Variants in GAS2L2 observed in about 807,000 individuals in gnomAD.
GAS2L2 encodes GAS2-like protein 2.
In GAS2L2, 21 loss-of-function variants were observed where a neutral mutation model predicts 35.2. The observed-to-expected ratio is 0.60, with a 90% CI of 0.42 to 0.86. GAS2L2 has a LOEUF of 0.86. Ranked by LOEUF, GAS2L2 falls within the 40% of genes least tolerant of loss-of-function variation. The pLI is 0.00. For synonymous variants in GAS2L2, 490 were observed against 473.2 expected (o/e 1.04, Z -0.46); for missense variants, 1,169 against 1,144.4 (o/e 1.02, Z -0.31).
rs782442398 is a variant in GAS2L2 at position 35,752,562 on chromosome 17, C to G, written c.289G>C (p.Val97Leu). The change falls in exon 1 of 6, where the codon GTC (valine) becomes CTC (leucine). Residue 97 changes from valine to leucine, a missense_variant. Coordinates refer to ENST00000604641, the MANE Select transcript of GAS2L2 (RefSeq NM_139285.4). ...GGCTGGGCGGCCCCATTGCAGGAGA[C>G]CCCGACCCGGGGCATGGGAATCTTC... ...AQKIPMPRVG[V>L]SCNGAAQPGT... 13 of 1,613,762 alleles carry G rather than the reference C, an allele frequency of 8.1e-6. No individual in the cohort carries two copies. Among genetic ancestry groups the G allele is most frequent in the Non-Finnish European group, 1.1e-5 (13 of 1,179,748 alleles).
At position 35,745,791 on chromosome 17, in the gene GAS2L2, AT is replaced by A. The variant is rs1568099917; in HGVS notation, c.1705del (p.Met569TrpfsTer44). On this transcript the variant is annotated frameshift_variant, in exon 6 of 6. Transcript: ENST00000604641. LOFTEE classifies it low-confidence loss of function (END_TRUNC). The stretch of plus-strand genomic sequence containing the variant: ...GTCCCAGGACTCTCTGGCCTCTGCC[AT>A]GACCTGGATGTCCAGCTGCTGGTCC... Reference protein sequence around the residue: ...QEDQQLDIQVMAEARESWDLG... With the variant: ...QEDQQLDIQVXAEARESWDLG... The A allele has an allele frequency of 3.1e-6, 5 of 1,613,682 alleles. No homozygotes were observed. The highest frequency in any genetic ancestry group is 1.7e-5 in the Admixed American group (1 of 60,008).
At position 35,746,008 on chromosome 17, in the gene GAS2L2, C is replaced by T. The variant is rs782311242; in HGVS notation, c.1489G>A (p.Val497Ile). ...ATGGGGATCTTGGTTAGGCCTTGGA[C>T]AGGGGTTGGAGAACGGACAGACTCT... ...EPESVRSPTPVQGLTKIPIRL... is the reference protein window; with the variant it reads ...EPESVRSPTPIQGLTKIPIRL... Residue 497 changes from valine to isoleucine, a missense_variant, in exon 6 of 6, where the codon GTC (valine) becomes ATC (isoleucine). Val to Ile is a conservative substitution (Grantham distance 29). Coordinates refer to ENST00000604641, the MANE Select transcript of GAS2L2 (RefSeq NM_139285.4). 1 of 1,573,106 alleles carries T rather than the reference C, an allele frequency of 6.4e-7. No individual in the cohort carries two copies. Among genetic ancestry groups the T allele is most frequent in the Non-Finnish European group, 8.6e-7 (1 of 1,157,280 alleles).
intron 4 of GAS2L2, 53 bp from the exon 5 acceptor site, chr17:35,747,321 A>G (rs2085675478): frequency 3.9e-6 from 6 of 1,526,654 alleles, no homozygotes; most frequent in Non-Finnish European, 4.4e-6. Flanking sequence ...AGTTCCTGCC[A>G]ATGGGGACCA....
In GAS2L2 at chr17:35,752,610, C is replaced by A; in HGVS notation, c.241G>T (p.Ala81Ser). Residue 81 changes from alanine (A) to serine (S), a missense_variant, in exon 1 of 6, where the codon GCT (alanine) becomes TCT (serine). This residue lies in a region of GAS2L2 where 127 missense variants were observed against 146.1 expected (regional missense o/e 0.87). Coordinates refer to ENST00000604641, the MANE Select transcript of GAS2L2 (RefSeq NM_139285.4). Reference protein sequence around the residue: ...VVTDAALAFLAEAPAQAQKIP... With the variant: ...VVTDAALAFLSEAPAQAQKIP... Reference sequence around the variant, plus strand: ...TTCTGGGCTTGGGCAGGTGCCTCAGCCAGGAAGGCCAGGGCAGCGTCAGTG... The same window carrying A: ...TTCTGGGCTTGGGCAGGTGCCTCAGACAGGAAGGCCAGGGCAGCGTCAGTG... The A allele has an allele frequency of 6.2e-7, 1 of 1,613,636 alleles. No individual in the cohort carries two copies. Among genetic ancestry groups the A allele is most frequent in the African/African-American group, 1.3e-5 (1 of 75,066 alleles).
Position 35,746,089 on chromosome 17 carries a change from G to A in GAS2L2, c.1408C>T (p.Leu470Phe), listed in dbSNP as rs900148816. 1.1e-5 allele frequency: 16 copies of A among 1,517,900 alleles called. No homozygotes were observed. The highest frequency in any genetic ancestry group is 4.5e-5 in the Admixed American group (2 of 44,710). 94.0% of individuals were successfully genotyped at this position (1,517,900 alleles called of 1,614,324 possible). A position where few individuals can be genotyped will look rare whatever the true frequency, so the allele number is the denominator to read the frequency against. Reference protein sequence around the residue: ...RSFGPAECLGLRLPLRDEAKG... With the variant: ...RSFGPAECLGFRLPLRDEAKG... Reference sequence around the variant, plus strand: ...GCCTCATCCCGGAGTGGCAGCCTGAGGCCCAGGCACTCGGCTGGGCCAAAG... The same window carrying A: ...GCCTCATCCCGGAGTGGCAGCCTGAAGCCCAGGCACTCGGCTGGGCCAAAG... The change falls in exon 6 of 6, where the codon CTC (leucine) becomes TTC (phenylalanine). Residue 470 changes from leucine to phenylalanine, a missense_variant. Around this residue, in one of 3 missense-constraint regions of GAS2L2, gnomAD observed 1,035 missense variants for 976.5 expected, o/e 1.06. Transcript: ENST00000604641.
rs377685306 is a variant in GAS2L2, at chr17:35,750,182, C to G, written c.522G>C (p.Glu174Asp). Residue 174 changes from glutamate to aspartate, a missense_variant, in exon 2 of 6, where the codon GAG (glutamate) becomes GAC (aspartate). Glu to Asp is a conservative substitution (Grantham distance 45). Around this residue, in one of 3 missense-constraint regions of GAS2L2, gnomAD observed 1,035 missense variants for 976.5 expected, o/e 1.06. Coordinates refer to ENST00000604641, the MANE Select transcript of GAS2L2 (RefSeq NM_139285.4). The part of the protein sequence containing the change: ...AAPTLVQLEE[E>D]IEEEVRRELA... ...GCTCCCGCCGCACCTCCTCCTCGATCTCCTCCTCCAGCTGCACGAGTGTGG... is the reference window on the plus strand; with the variant it reads ...GCTCCCGCCGCACCTCCTCCTCGATGTCCTCCTCCAGCTGCACGAGTGTGG... 1.6e-5 allele frequency: 25 copies of G among 1,612,866 alleles called. No homozygotes were observed. The highest frequency in any genetic ancestry group is 1.7e-4 in the Middle Eastern group (1 of 6,058).
At chr17:35,750,557 G>A (rs587763561) in intron 1 of GAS2L2, among the ~76,000 whole-genome samples, 1 of 152,354 alleles carries the variant, frequency 6.6e-6, no homozygotes, top group Admixed American at 6.5e-5. Flanking sequence ...AGGAGAGGCT[G>A]CGGGTGAGAA....
Position 35,750,187 on chromosome 17 carries a change from C to T in GAS2L2, c.517G>A (p.Glu173Lys). 6.2e-7 allele frequency: 1 copy of T among 1,613,444 alleles called. No homozygotes were observed. Among genetic ancestry groups the T allele is most frequent in the Non-Finnish European group, 8.5e-7 (1 of 1,179,632 alleles). Residue 173 changes from glutamate (E) to lysine (K), a missense_variant, in exon 2 of 6, where the codon GAG becomes AAG. Coordinates refer to ENST00000604641, the MANE Select transcript of GAS2L2 (RefSeq NM_139285.4). ...CGCCGCACCTCCTCCTCGATCTCCT[C>T]CTCCAGCTGCACGAGTGTGGGCGCC... ...VAAPTLVQLE[E>K]EIEEEVRREL...
Position 35,747,944 on chromosome 17 carries a change from A to G in GAS2L2, c.737T>C (p.Ile246Thr), listed in dbSNP as rs782738507. 1.9e-6 allele frequency: 3 copies of G among 1,612,554 alleles called. No homozygotes were observed. The highest frequency in any genetic ancestry group is 1.1e-5 in the South Asian group (1 of 90,978). ...GDSNTLIFIR[I>T]LRNHVMVRVG... The stretch of plus-strand genomic sequence containing the variant: ...ACGTACCATCACATGGTTCCGGAGG[A>G]TCTGAGGGGGCAAGGGTGAGGTTAA... Residue 246 changes from isoleucine (I) to threonine (T), a missense_variant and splice_region_variant, in exon 4 of 6, where the codon ATC becomes ACC. Transcript: ENST00000604641.
Position 35,745,948 on chromosome 17 carries a change from T to G in GAS2L2, c.1549A>C (p.Arg517=). Residue 517 remains arginine, a synonymous_variant, in exon 6 of 6, where the codon AGG becomes CGG. Transcript: ENST00000604641. ...LPPARPPTPG[R]SFPGATSGSP... ...CCACTTGTAGCACCAGGAAAGCTCC[T>G]TCCTGGTGTTGGGGGGCGAGCAGGG... The G allele has an allele frequency of 6.2e-7, 1 of 1,608,866 alleles. No homozygotes were observed. Among genetic ancestry groups the G allele is most frequent in the Non-Finnish European group, 8.5e-7 (1 of 1,176,478 alleles).
intron 5 of GAS2L2, 99 bp from the exon 6 acceptor site, chr17:35,746,510 G>T: frequency 1.4e-6 from 1 of 723,752 alleles, no homozygotes; most frequent in Non-Finnish European, 2.0e-6. Flanking sequence ...TCTTTCCCCA[G>T]TGAGAACACC....
In GAS2L2 at chr17:35,747,361, G is replaced by T. The variant is rs587717838; in HGVS notation, c.833-93C>A. On this transcript the variant is annotated intron_variant, in intron 4 of 5. Coordinates refer to ENST00000604641, the MANE Select transcript of GAS2L2 (RefSeq NM_139285.4). Reference sequence around the variant, plus strand: ...TCCTCCCCCAGTGGTCCCATGCCCCGCATCCCACATTAAAAACAGTGGGAC... The same window carrying T: ...TCCTCCCCCAGTGGTCCCATGCCCCTCATCCCACATTAAAAACAGTGGGAC... The T allele has an allele frequency of 7.5e-5, 104 of 1,385,800 alleles. No individual in the cohort carries two copies. In the South Asian group the frequency reaches 1.4e-3, roughly 19 times the overall value. 85.8% of individuals were successfully genotyped at this position (1,385,800 alleles called of 1,614,324 possible).
chr17:35,745,906 G>A lies in GAS2L2; in HGVS notation c.1591C>T (p.Leu531Phe). 1 of 1,613,134 alleles carries A rather than the reference G, an allele frequency of 6.2e-7. No individual in the cohort carries two copies. Among genetic ancestry groups the A allele is most frequent in the East Asian group, 2.2e-5 (1 of 44,870 alleles). ...GATSGSPRTE[L>F]GRDPIPLRAV... ...CTTAGTGGGATGGGGTCTCTCCCAA[G>A]TTCTGTCCTGGGACTTCCACTTGTA... The change falls in exon 6 of 6, where the codon CTT becomes TTT. Residue 531 changes from leucine (L) to phenylalanine (F), a missense_variant. By Grantham distance (22) the Leu-to-Phe change is conservative. This residue lies in a region of GAS2L2 where 1,035 missense variants were observed against 976.5 expected (regional missense o/e 1.06). Coordinates refer to ENST00000604641, the MANE Select transcript of GAS2L2 (RefSeq NM_139285.4).
rs2085658491 is a variant in GAS2L2, at chr17:35,745,389, G to A, written c.2108C>T (p.Pro703Leu). 6.3e-7 allele frequency: 1 copy of A among 1,582,418 alleles called. No individual in the cohort carries two copies. Among genetic ancestry groups the A allele is most frequent in the South Asian group, 1.2e-5 (1 of 86,128 alleles). ...GGCACTCAGGCTTGCCTTTGTCCTG[G>A]GCCCACTCTGTCTGGCTCCCAACTT... ...KGKLGARQSG[P>L]RTKASLSAKG... Residue 703 changes from proline to leucine, a missense_variant, in exon 6 of 6, where the codon CCC (proline) becomes CTC (leucine). Pro to Leu is a moderately conservative substitution (Grantham distance 98). This residue lies in a region of GAS2L2 where 1,035 missense variants were observed against 976.5 expected (regional missense o/e 1.06). Coordinates refer to ENST00000604641, the MANE Select transcript of GAS2L2 (RefSeq NM_139285.4).
Position 35,752,941 on chromosome 17 carries a change from T to C in GAS2L2, c.-91A>G, listed in dbSNP as rs1300889176. On this transcript the variant is annotated 5_prime_UTR_variant, in exon 1 of 6. Coordinates refer to ENST00000604641, the MANE Select transcript of GAS2L2 (RefSeq NM_139285.4). ...CTGCTGCTGGGTCTCGGCTGGGTTCTTCCTGATTCTGAGGTTCCCGTGTAC... is the reference window on the plus strand; with the variant it reads ...CTGCTGCTGGGTCTCGGCTGGGTTCCTCCTGATTCTGAGGTTCCCGTGTAC... The C allele has an allele frequency of 5.1e-6, 7 of 1,381,266 alleles. No homozygotes were observed. The East Asian group carries it at 1.7e-4, about 33-fold the overall frequency. The allele number at this position is 1,381,266 out of a possible 1,614,324, so 85.6% of individuals were successfully genotyped here. A position where few individuals can be genotyped will look rare whatever the true frequency, so the allele number is the denominator to read the frequency against.
At chr17:35,750,603 C>T (rs1223673357) in intron 1 of GAS2L2, among the ~76,000 whole-genome samples, 1 of 152,200 alleles carries the variant, frequency 6.6e-6, no homozygotes, top group Non-Finnish European at 1.5e-5. Context: ...TGGAGACTGG[C>T]TGTGACTGTG....
At position 35,745,385 on chromosome 17, in the gene GAS2L2, C is replaced by T. The variant is rs587711790; in HGVS notation, c.2112G>A (p.Arg704=). The T allele has an allele frequency of 6.3e-7, 1 of 1,585,676 alleles. No individual in the cohort carries two copies. Among genetic ancestry groups the T allele is most frequent in the Admixed American group, 1.8e-5 (1 of 57,138 alleles). ...GKLGARQSGP[R]TKASLSAKGT... ...CCTTGGCACTCAGGCTTGCCTTTGT[C>T]CTGGGCCCACTCTGTCTGGCTCCCA... The change falls in exon 6 of 6, where the codon AGG becomes AGA. Residue 704 remains arginine, a synonymous_variant. Transcript: ENST00000604641.
At position 35,745,648 on chromosome 17, in the gene GAS2L2, C is replaced by G. The variant is rs2085661016; in HGVS notation, c.1849G>C (p.Val617Leu). The G allele has an allele frequency of 6.2e-7, 1 of 1,613,834 alleles. No individual in the cohort carries two copies. Among genetic ancestry groups the G allele is most frequent in the African/African-American group, 1.3e-5 (1 of 74,946 alleles). Residue 617 changes from valine (V) to leucine (L), a missense_variant, in exon 6 of 6, where the codon GTC becomes CTC. Physicochemically the swap from Val to Leu is conservative, Grantham distance 32. This residue lies in a region of GAS2L2 where 1,035 missense variants were observed against 976.5 expected (regional missense o/e 1.06). Transcript: ENST00000604641. ...EILGNMKLLE[V>L]RSACPQGTRS... ...GTGCCCTGCGGACAGGCACTCCTGA[C>G]TTCTAGCAGCTTCATGTTGCCCAAA...
In GAS2L2 at chr17:35,746,150, C is replaced by T; in HGVS notation, c.1347G>A (p.Gly449=). 2 of 1,505,474 alleles carry T rather than the reference C, an allele frequency of 1.3e-6. No homozygotes were observed. Among genetic ancestry groups the T allele is most frequent in the Non-Finnish European group, 1.8e-6 (2 of 1,126,964 alleles). The allele number at this position is 1,505,474 out of a possible 1,614,324, so 93.3% of individuals were successfully genotyped here. ...GGGGAGATGGTCCTCTTGCTGATAT[C>T]CCTTTGGTGGTGGCCTCAATGGCTC... ...RLRAIEATTK[G]ISARGPSPLP... is the part of the protein sequence containing the mutation. The change falls in exon 6 of 6, where the codon GGG becomes GGA. Residue 449 remains glycine (G), a synonymous_variant. Transcript: ENST00000604641.
Sources: gnomAD v4.1 joint callset for allele counts (sites outside exome capture counted in the v4.1 genomes callset) on GRCh38, gnomAD v4.1.1 for gene constraint, gnomAD v4.1.1 regional missense constraint, MANE v1.5 for transcripts, NCBI Gene and HGNC (gene_info 2026-07-23, HGNC 2026-07-21) for gene names.